The following STOX1 variants were observed in gnomAD, a reference collection of about 807,000 sequenced individuals.
STOX1 encodes storkhead box 1.
A neutral mutation model predicts 74.8 loss-of-function variants in STOX1; 57 were observed. That is an observed-to-expected ratio of 0.76 (90% CI 0.62 to 0.95). The LOEUF is 0.95. Ranked by LOEUF, STOX1 falls within the 40% of genes least tolerant of loss-of-function variation. The probability of loss-of-function intolerance (pLI) is 0.00; values close to 1 mark genes in which losing one functional copy is unlikely to be tolerated. For missense variants in STOX1, 1,010 were observed against 1,117.0 expected, an observed-to-expected ratio of 0.90 and a Z score of 1.37; for synonymous variants, 375 against 401.3, an observed-to-expected ratio of 0.93 and a Z score of 0.78.
At chr10:68,886,702 G>A (rs1840972408) in intron 3 of STOX1, 84 bp downstream of exon 3, 5 of 1,271,554 alleles carry the variant, frequency 3.9e-6, no homozygotes, top group Non-Finnish European at 5.6e-6. Context: ...GCCGAGGCGG[G>A]CAGATCACGA....
intron 1 of STOX1, among the ~76,000 whole-genome samples, chr10:68,836,356 A>G (rs1284283384): frequency 6.6e-6 from 1 of 152,232 alleles, no homozygotes; most frequent in African/African-American, 2.4e-5. Flanking sequence ...GCATCAGGAA[A>G]ATAACAAATA....
intron 3 of STOX1, among the ~76,000 whole-genome samples, chr10:68,890,536 T>A (rs1305090243): frequency 6.6e-6 from 1 of 152,228 alleles, no homozygotes; most frequent in East Asian, 1.9e-4. Flanking sequence ...GTGAGTTATT[T>A]TTACATAAAA....
intron 1 of STOX1, among the ~76,000 whole-genome samples, chr10:68,872,416 G>A (rs1027371715): frequency 2.1e-5 from 3 of 146,022 alleles, no homozygotes; most frequent in African/African-American, 7.8e-5. Context: ...CACAGTCTCG[G>A]CTCACCGCAA....
intron 1 of STOX1, among the ~76,000 whole-genome samples, chr10:68,834,239 AG>A: frequency 6.6e-6 from 1 of 152,300 alleles, no homozygotes; most frequent in East Asian, 1.9e-4. Flanking sequence ...AGGAGTGTAG[AG>A]TGTAGTATCT....
intron 3 of STOX1, 43 bp from the exon 4 acceptor site, chr10:68,892,546 T>C: frequency 1.3e-6 from 2 of 1,592,320 alleles, no homozygotes; most frequent in Non-Finnish European, 1.7e-6. Flanking sequence ...GAAATTCAAG[T>C]TCCCTTCGAA....
chr10:68,850,484 G>C (rs897409853), intron 1 of STOX1, among the ~76,000 whole-genome samples: 3 of 152,210 alleles, frequency 2.0e-5, no homozygotes, highest in African/African-American at 7.2e-5. Context: ...AGCACAAAGT[G>C]CATAAAATAG....
intron 1 of STOX1, among the ~76,000 whole-genome samples, chr10:68,873,800 G>A (rs1374089487): frequency 5.3e-5 from 8 of 150,336 alleles, no homozygotes; most frequent in African/African-American, 1.5e-4. Flanking sequence ...ACAGGCGCCC[G>A]CCACCATGCC....
intron 1 of STOX1, among the ~76,000 whole-genome samples, chr10:68,869,802 A>G (rs940152505): frequency 1.3e-5 from 2 of 152,252 alleles, no homozygotes; most frequent in African/African-American, 2.4e-5. Context: ...TCCAAGCAGC[A>G]TTTCTCAAAC....
intron 1 of STOX1, among the ~76,000 whole-genome samples, chr10:68,859,560 A>G (rs1331464838): frequency 1.3e-5 from 2 of 152,108 alleles, no homozygotes; most frequent in Non-Finnish European, 2.9e-5. Context: ...GAAAATAAGT[A>G]TTTAGTGTGT....
In STOX1 at chr10:68,886,154, G is replaced by A. The variant is rs1840948111; in HGVS notation, c.2358G>A (p.Met786Ile). The A allele has an allele frequency of 6.2e-7, 1 of 1,614,098 alleles. No homozygotes were observed. The highest frequency in any genetic ancestry group is 1.7e-5 in the Admixed American group (1 of 60,002). The change falls in exon 3 of 4, where the codon ATG becomes ATA. Residue 786 changes from methionine (M) to isoleucine (I), a missense_variant. Transcript: ENST00000298596. ...ERSLTEYNST[M>I]ERVESQVLKR... ...CTCTGACCGAGTACAACAGCACAATGGAGAGGGTTGAGTCTCAGGTGCTTA... is the reference window on the plus strand; with the variant it reads ...CTCTGACCGAGTACAACAGCACAATAGAGAGGGTTGAGTCTCAGGTGCTTA...
rs147344019 is a variant in STOX1, at chr10:68,882,981, A to T, written c.463+871A>T. 9.2e-5 allele frequency among the ~76,000 whole-genome samples: 14 copies of T among 152,168 alleles called. No homozygotes were observed. In the East Asian group the frequency reaches 2.7e-3, roughly 29 times the overall value. ...ACCTTCTTAGATCACTGCAGCCTCA[A>T]ACTCGTGGGTTGAAGCAATCCACCT... On this transcript the variant is annotated intron_variant, in intron 2 of 3. Coordinates refer to ENST00000298596, the MANE Select transcript of STOX1 (RefSeq NM_152709.5).
At chr10:68,828,430 C>T (rs1301563048) in intron 1 of STOX1, among the ~76,000 whole-genome samples, 2 of 152,110 alleles carry the variant, frequency 1.3e-5, no homozygotes, top group Non-Finnish European at 2.9e-5. Context: ...GGGGCCAAGA[C>T]GCCCCGGAGA....
chr10:68,892,223 C>G (rs1456801195), intron 3 of STOX1, among the ~76,000 whole-genome samples: 1 of 152,024 alleles, frequency 6.6e-6, no homozygotes, highest in African/African-American at 2.4e-5. Context: ...TTGCTTTTCT[C>G]TTCCATATGA....
Position 68,884,521 on chromosome 10 carries a change from A to T in STOX1, c.725A>T (p.Gln242Leu). The part of the protein sequence containing the change: ...QENAAPISHC[Q>L]SCQCFRDMHT... ...AATGCTGCCCCCATATCCCACTGTC[A>T]GTCTTGCCAGTGTTTCCGGGACATG... The change falls in exon 3 of 4, where the codon CAG (glutamine) becomes CTG (leucine). Residue 242 changes from glutamine to leucine, a missense_variant. Transcript: ENST00000298596. 6.2e-7 allele frequency: 1 copy of T among 1,613,818 alleles called. No homozygotes were observed. Among genetic ancestry groups the T allele is most frequent in the Non-Finnish European group, 8.5e-7 (1 of 1,180,036 alleles).
intron 1 of STOX1, among the ~76,000 whole-genome samples, chr10:68,874,660 CAAAAAAAAAAA>C (rs545162403): frequency 3.2e-4 from 41 of 128,664 alleles, no homozygotes; most frequent in African/African-American, 3.6e-4. Flanking sequence ...GACTCCGTCT[CAAAAAAAAAAA>C]AAAAAAAAAA....
At chr10:68,871,135 G>A (rs1355480036) in intron 1 of STOX1, among the ~76,000 whole-genome samples, 2 of 152,176 alleles carry the variant, frequency 1.3e-5, no homozygotes, top group African/African-American at 2.4e-5. Flanking sequence ...ATGTGGATTC[G>A]TTTTAGTATT....
chr10:68,885,469 A>C lies in STOX1; in HGVS notation c.1673A>C (p.Lys558Thr). ...CCATATGCTGAACAACCTAATGATA[A>C]AATGGAAGCAGAATCCATTTACATA... Reference protein sequence around the residue: ...KEPYAEQPNDKMEAESIYIND... With the variant: ...KEPYAEQPNDTMEAESIYIND... The change falls in exon 3 of 4, where the codon AAA becomes ACA. Residue 558 changes from lysine (K) to threonine (T), a missense_variant. By Grantham distance (78) the Lys-to-Thr change is moderately conservative. Coordinates refer to ENST00000298596, the MANE Select transcript of STOX1 (RefSeq NM_152709.5). The C allele has an allele frequency of 1.2e-6, 2 of 1,614,188 alleles. No homozygotes were observed. The highest frequency in any genetic ancestry group is 2.7e-5 in the African/African-American group (2 of 75,054).
At chr10:68,888,932 A>G (rs1841034368) in intron 3 of STOX1, among the ~76,000 whole-genome samples, 1 of 141,062 alleles carries the variant, frequency 7.1e-6, no homozygotes, top group Admixed American at 7.6e-5. Flanking sequence ...TGCAGGTGTG[A>G]GCCACTGAGC....
chr10:68,891,943 C>T (rs910714514), intron 3 of STOX1, among the ~76,000 whole-genome samples: 3 of 152,008 alleles, frequency 2.0e-5, no homozygotes, highest in African/African-American at 7.2e-5. Flanking sequence ...GCCTCAGTCT[C>T]ATGAGTAGCT....
Sources: allele counts gnomAD v4.1 joint callset (sites outside exome capture counted in the v4.1 genomes callset), GRCh38; gene constraint gnomAD v4.1.1; transcripts MANE v1.5; gene names NCBI Gene and HGNC (gene_info 2026-07-23, HGNC 2026-07-21).